Variants in UNKL observed in about 807,000 individuals in gnomAD.
The protein encoded by UNKL is unk like zinc finger.
In UNKL, 60 loss-of-function variants were observed where a neutral mutation model predicts 78.0. That is an observed-to-expected ratio of 0.77 (90% CI 0.63 to 0.95). The LOEUF (loss-of-function observed/expected upper bound fraction) is 0.95. Ranked by LOEUF, UNKL falls within the 40% of genes least tolerant of loss-of-function variation. The pLI, the probability that UNKL is intolerant of heterozygous loss-of-function variation, is 0.00. For synonymous variants in UNKL, 608 were observed against 474.8 expected, an observed-to-expected ratio of 1.28 and a Z score of -3.65; for missense variants, 1,159 against 1,045.7, an observed-to-expected ratio of 1.11 and a Z score of -1.49.
intron 10 of UNKL, 116 bp from the exon 11 acceptor site, chr16:1,371,727 C>G: frequency 9.1e-7 from 1 of 1,093,138 alleles, no homozygotes; most frequent in Non-Finnish European, 1.3e-6. Flanking sequence ...GGGCAGAAGG[C>G]GTGGGAGTTG....
At chr16:1,398,492 G>T in intron 5 of UNKL, 1 of 1,241,952 alleles carries the variant, frequency 8.1e-7, no homozygotes. Flanking sequence ...ACTGAACGTG[G>T]CATAACAACA....
At chr16:1,409,134 G>A (rs1344998637) in intron 2 of UNKL, among the ~76,000 whole-genome samples, 1 of 152,044 alleles carries the variant, frequency 6.6e-6, no homozygotes, top group Non-Finnish European at 1.5e-5. Flanking sequence ...GGATGGTCTC[G>A]ATCTCCCGAC....
chr16:1,382,921 G>A (rs1251432936), intron 10 of UNKL, among the ~76,000 whole-genome samples: 3 of 151,074 alleles, frequency 2.0e-5, no homozygotes, highest in African/African-American at 7.3e-5. Flanking sequence ...TTGTGCCACT[G>A]CCCTCCAGTC....
At chr16:1,374,182 G>A (rs1305975297) in intron 10 of UNKL, among the ~76,000 whole-genome samples, 1 of 149,598 alleles carries the variant, frequency 6.7e-6, no homozygotes, top group Non-Finnish European at 1.5e-5. Flanking sequence ...ACCGCACAGA[G>A]ACCTCAGCAG....
rs1290234636 is a variant in UNKL, at chr16:1,370,150, G to A, written c.1565C>T (p.Ala522Val). 51 of 1,519,110 alleles carry A rather than the reference G, an allele frequency of 3.4e-5. No homozygotes were observed. Among genetic ancestry groups the A allele is most frequent in the Non-Finnish European group, 4.5e-5 (51 of 1,128,654 alleles). 94.1% of individuals were successfully genotyped at this position (1,519,110 alleles called of 1,614,324 possible). A position where few individuals can be genotyped will look rare whatever the true frequency, so the allele number is the denominator to read the frequency against. ...CTCACCTAGGGGGCTGTAGGATGAG[G>A]CTGCAGAGCCCAGTGTGCCCGGCTC... is the stretch of plus-strand genomic sequence containing the variant. ...RSEPGTLGSA[A>V]SSYSPLGLNG... Residue 522 changes from alanine to valine, a missense_variant, in exon 12 of 15, where the codon GCC (alanine) becomes GTC (valine). Physicochemically the swap from Ala to Val is moderately conservative, Grantham distance 64. Coordinates refer to ENST00000389221, the MANE Select transcript of UNKL (RefSeq NM_001372107.1).
chr16:1,385,383 G>C lies in UNKL; in HGVS notation c.1089C>G (p.Asn363Lys). The C allele has an allele frequency of 7.2e-7, 1 of 1,386,488 alleles. No individual in the cohort carries two copies. The highest frequency in any genetic ancestry group is 9.3e-7 in the Non-Finnish European group (1 of 1,072,680). 85.9% of individuals were successfully genotyped at this position (1,386,488 alleles called of 1,614,324 possible). The change falls in exon 10 of 15, where the codon AAC (asparagine) becomes AAG (lysine). Residue 363 changes from asparagine to lysine, a missense_variant and splice_region_variant. Coordinates refer to ENST00000389221, the MANE Select transcript of UNKL (RefSeq NM_001372107.1). ...GGACCGCTGCAAACACGGCCAGGTG[G>C]TTCTGTTCAAAGACATAAACACCGT... Reference protein sequence around the residue: ...PRGSEQDSKQNHLAVFAAVHP... With the variant: ...PRGSEQDSKQKHLAVFAAVHP...
chr16:1,414,027 A>C lies in UNKL; in HGVS notation c.106T>G (p.Cys36Gly). The C allele has an allele frequency of 6.4e-7, 1 of 1,550,732 alleles. No homozygotes were observed. Among genetic ancestry groups the C allele is most frequent in the Non-Finnish European group, 8.7e-7 (1 of 1,146,998 alleles). The part of the protein sequence containing the change: ...RYLKEFRTEQ[C>G]PLFSQHKCAQ... ...CACTTGTGCTGTGAAAACAGGGGGC[A>C]CTGCTCCGTCCTGAACTCCTTCAGG... The change falls in exon 2 of 15, where the codon TGC becomes GGC. Residue 36 changes from cysteine to glycine, a missense_variant. By Grantham distance (159) the Cys-to-Gly change is radical. Coordinates refer to ENST00000389221, the MANE Select transcript of UNKL (RefSeq NM_001372107.1).
intron 6 of UNKL, chr16:1,395,881 G>A: frequency 2.4e-6 from 1 of 412,284 alleles, no homozygotes; most frequent in South Asian, 1.6e-5. Context: ...GACAACATGA[G>A]TCAAGAAACG....
chr16:1,414,594 G>T, intron 1 of UNKL, 21 bp downstream of exon 1: 1 of 1,024,188 alleles, frequency 9.8e-7, no homozygotes, highest in Non-Finnish European at 1.2e-6. Context: ...GCGGGGGGCC[G>T]CAGGCCGGAC....
rs933119603 is a variant in UNKL, at chr16:1,365,239, C to G, written c.*1001G>C. On this transcript the variant is annotated 3_prime_UTR_variant, in exon 15 of 15. Transcript: ENST00000389221. ...AACTCCTGACCTTAGGTGATCCACC[C>G]GCCTCCCAAAGTGCTGGGATCACAG... The G allele has an allele frequency of 2.6e-5, 4 of 152,144 alleles. No homozygotes were observed. The highest frequency in any genetic ancestry group is 2.6e-4 in the Admixed American group (4 of 15,280). The allele number at this position is 152,144 out of a possible 1,614,324, so 9.4% of individuals were successfully genotyped here. A position where few individuals can be genotyped will look rare whatever the true frequency, so the allele number is the denominator to read the frequency against.
intron 14 of UNKL, among the ~76,000 whole-genome samples, 183 bp from the exon 15 acceptor site, chr16:1,366,578 G>C (rs1021922031): frequency 6.6e-6 from 1 of 152,058 alleles, no homozygotes; most frequent in Non-Finnish European, 1.5e-5. Context: ...GCGGGGTCAG[G>C]GGGTATGCTC....
intron 12 of UNKL, among the ~76,000 whole-genome samples, chr16:1,369,346 C>A (rs557778501): frequency 6.6e-6 from 1 of 151,154 alleles, no homozygotes; most frequent in Non-Finnish European, 1.5e-5. Context: ...GGATGACAGG[C>A]GTGAGCCACC....
rs112378427 is a variant in UNKL at position 1,364,994 on chromosome 16, C to CT, written c.*1245dup. On this transcript the variant is annotated 3_prime_UTR_variant, in exon 15 of 15. Coordinates refer to ENST00000389221, the MANE Select transcript of UNKL (RefSeq NM_001372107.1). ...ACAGCTCTGAGTAATCAGAAAACAG[C>CT]TTTTTTTTTTTTTTTTTGAGCCAGA... The CT allele has an allele frequency of 0.04, 5,591 of 140,462 alleles. 328 individuals are homozygous for CT. Among genetic ancestry groups the CT allele is most frequent in the African/African-American group, 0.12 (4,615 of 37,684 alleles). 8.7% of individuals were successfully genotyped at this position (140,462 alleles called of 1,614,324 possible). A position where few individuals can be genotyped will look rare whatever the true frequency, so the allele number is the denominator to read the frequency against.
At chr16:1,390,721 G>A (rs1567223237) in intron 8 of UNKL, 27 bp from the exon 9 acceptor site, 4 of 1,534,858 alleles carry the variant, frequency 2.6e-6, no homozygotes, top group Non-Finnish European at 2.6e-6. Flanking sequence ...AGTCATATGT[G>A]GAAAAAGCAG....
chr16:1,414,203 C>T (rs894723753), intron 1 of UNKL, 148 bp from the exon 2 acceptor site: 7 of 777,820 alleles, frequency 9.0e-6, no homozygotes, highest in African/African-American at 8.9e-5. Context: ...GCTGCGCCCA[C>T]CCCCATCCCG....
At chr16:1,392,546 C>T (rs1408871075) in intron 8 of UNKL, among the ~76,000 whole-genome samples, 1 of 152,092 alleles carries the variant, frequency 6.6e-6, no homozygotes, top group Admixed American at 6.5e-5. Context: ...GTGATTCTCC[C>T]GCCTCAGCCT....
chr16:1,375,611 G>A (rs904500880), intron 10 of UNKL, among the ~76,000 whole-genome samples: 9 of 152,224 alleles, frequency 5.9e-5, no homozygotes, highest in Non-Finnish European at 8.8e-5. Context: ...CCGTTCCAAT[G>A]AAGCTTTTAG....
chr16:1,380,376 C>T (rs925995364), intron 10 of UNKL, among the ~76,000 whole-genome samples: 2 of 152,200 alleles, frequency 1.3e-5, no homozygotes, highest in African/African-American at 2.4e-5. Flanking sequence ...CGGGCCTACA[C>T]CTGGGGCCAG....
intron 10 of UNKL, among the ~76,000 whole-genome samples, chr16:1,372,618 A>C (rs2035949674): frequency 6.6e-6 from 1 of 152,178 alleles, no homozygotes; most frequent in Non-Finnish European, 1.5e-5. Flanking sequence ...AGCGTGTCTC[A>C]AACTCCCGCA....
Sources: gnomAD v4.1 joint callset for allele counts (sites outside exome capture counted in the v4.1 genomes callset) on GRCh38, gnomAD v4.1.1 for gene constraint, MANE v1.5 for transcripts, NCBI Gene and HGNC (gene_info 2026-07-23, HGNC 2026-07-21) for gene names.